DLG5: variants seen among roughly 807,000 people sequenced by gnomAD.
DLG5 encodes disks large homolog 5.
Under a neutral mutation model 189.8 loss-of-function variants are expected in DLG5, and 48 were observed. The ratio of observed to expected loss-of-function variants is 0.25; its 90% CI spans 0.20 to 0.32. The LOEUF (loss-of-function observed/expected upper bound fraction) is 0.32, where lower values mean the gene tolerates loss of function less well. DLG5 is among the 10% of genes least tolerant of loss of function. DLG5 has a pLI of 1.00. For synonymous variants in DLG5, 1,016 were observed against 1,054.1 expected (o/e 0.96, Z 0.70); for missense variants, 2,160 against 2,544.7 (o/e 0.85, Z 3.25).
chr10:77,917,259 G>A (rs993372858), intron 1 of DLG5, among the ~76,000 whole-genome samples: 5 of 151,684 alleles, frequency 3.3e-5, no homozygotes, highest in East Asian at 1.9e-4. Context: ...GGAGAATGGC[G>A]TGAACCCGGG....
intron 1 of DLG5, among the ~76,000 whole-genome samples, chr10:77,881,724 T>G (rs537156509): frequency 2.0e-4 from 30 of 152,244 alleles, no homozygotes; most frequent in Non-Finnish European, 3.8e-4. Flanking sequence ...AAGGTGTCCC[T>G]CCCCCACTGT....
intron 14 of DLG5, among the ~76,000 whole-genome samples, chr10:77,822,865 C>A (rs10430529): frequency 0.26 from 39,845 of 152,022 alleles, 5,989 homozygotes; most frequent in Non-Finnish European, 0.35. Flanking sequence ...CTATGGCATT[C>A]TGGAAAACAC....
At chr10:77,830,082 G>T in intron 11 of DLG5, 135 bp downstream of exon 11, 2 of 1,075,090 alleles carry the variant, frequency 1.9e-6, no homozygotes, top group Non-Finnish European at 2.7e-6. Context: ...TGCTGAGACT[G>T]CAGGCCTTGG....
intron 1 of DLG5, among the ~76,000 whole-genome samples, chr10:77,876,720 A>AGGGG (rs1845106173): frequency 2.4e-5 from 1 of 41,486 alleles, no homozygotes; most frequent in Non-Finnish European, 4.5e-5. Flanking sequence ...GGAGGGAGGG[A>AGGGG]GGGAGGGAAG....
chr10:77,806,725 C>T (rs560246497), intron 26 of DLG5, 33 bp downstream of exon 26: 1 of 1,415,274 alleles, frequency 7.1e-7, no homozygotes, highest in Non-Finnish European at 9.9e-7. Flanking sequence ...GCGACCCCTG[C>T]CCCACCCCAC....
rs766790358 is a variant in DLG5 at position 77,796,616 on chromosome 10, C to A, written c.5165-22G>T. 1.2e-6 allele frequency: 2 copies of A among 1,612,992 alleles called. No homozygotes were observed. Among genetic ancestry groups the A allele is most frequent in the South Asian group, 1.1e-5 (1 of 90,960 alleles). On this transcript the variant is annotated intron_variant, in intron 27 of 31. Coordinates refer to ENST00000372391, the MANE Select transcript of DLG5 (RefSeq NM_004747.4). This position sits in a 1 kb window ranked among gnomAD's most constrained non-coding sequence, Gnocchi z 5.2. ...GAATCTGAGGGAGAGAGAGCAGCAG[C>A]GTCACGGACCCAGCTTGGAGTGGAG... is the stretch of plus-strand genomic sequence containing the variant.
At chr10:77,905,643 G>A (rs979726312) in intron 1 of DLG5, among the ~76,000 whole-genome samples, 2 of 152,144 alleles carry the variant, frequency 1.3e-5, no homozygotes, top group Non-Finnish European at 2.9e-5. Context: ...CTGGGTGAAC[G>A]ACCTGCCTGA....
chr10:77,871,540 T>TTTTC lies in DLG5; in HGVS notation c.305-2344_305-2343insGAAA, dbSNP rs1400985849. ...ACAAAAACAATAAGCATCACACTTT[T>TTTTC]TTTTTTTTTTTTTTTTTTTTGAGAC... On this transcript the variant is annotated intron_variant, in intron 1 of 31. Coordinates refer to ENST00000372391, the MANE Select transcript of DLG5 (RefSeq NM_004747.4). Among the ~76,000 whole-genome samples the TTTTC allele has an allele frequency of 3.0e-5, 4 of 135,372 alleles. 1 individual carries two copies. The highest frequency in any genetic ancestry group is 6.4e-5 in the Non-Finnish European group (4 of 62,454). The allele number at this position is 135,372 out of a possible 152,430, so 88.8% of individuals were successfully genotyped here.
At chr10:77,819,558 G>A (rs147089885) in intron 16 of DLG5, 93 bp from the exon 17 acceptor site, 15 of 1,461,392 alleles carry the variant, frequency 1.0e-5, no homozygotes, top group South Asian at 4.2e-5. Flanking sequence ...GGACGCAGCC[G>A]CAGTCTTTTG....
chr10:77,806,718 A>AGCGCCCCC, intron 26 of DLG5, 40 bp downstream of exon 26: 3 of 1,333,654 alleles, frequency 2.2e-6, no homozygotes, highest in Non-Finnish European at 3.2e-6. Context: ...GCCCTCGGCG[A>AGCGCCCCC]CCCCTGCCCC....
At position 77,796,433 on chromosome 10, in the gene DLG5, G is replaced by A. The variant is rs769521217; in HGVS notation, c.5308+18C>T. ...ACAAAGAGCCCAGTAGGCACAGAGG[G>A]TGCCCCGTGCCCCTTACCAAGGGGA... On this transcript the variant is annotated intron_variant, in intron 28 of 31. Coordinates refer to ENST00000372391, the MANE Select transcript of DLG5 (RefSeq NM_004747.4). The surrounding 1 kb of genome is among the most constrained non-coding windows in gnomAD (Gnocchi z 5.2). 6.2e-7 allele frequency: 1 copy of A among 1,614,132 alleles called. No homozygotes were observed. Among genetic ancestry groups the A allele is most frequent in the Admixed American group, 1.7e-5 (1 of 60,030 alleles).
intron 1 of DLG5, among the ~76,000 whole-genome samples, chr10:77,897,126 C>T (rs757163396): frequency 6.6e-6 from 1 of 151,942 alleles, no homozygotes; most frequent in African/African-American, 2.4e-5. Flanking sequence ...GAGGCTGAGG[C>T]GGGCAGATCA....
intron 1 of DLG5, among the ~76,000 whole-genome samples, chr10:77,906,369 C>A (rs559623983): frequency 6.6e-6 from 1 of 152,330 alleles, no homozygotes; most frequent in Admixed American, 6.5e-5. Flanking sequence ...CTGACTGAAC[C>A]GTACCTGCTA....
intron 31 of DLG5, 69 bp from the exon 32 acceptor site, chr10:77,792,612 C>T: frequency 1.4e-6 from 2 of 1,398,184 alleles, no homozygotes; most frequent in Non-Finnish European, 2.0e-6. Context: ...CAAGGCAGTA[C>T]AGCTTGCACT....
intron 1 of DLG5, among the ~76,000 whole-genome samples, chr10:77,872,226 A>G (rs979521311): frequency 1.3e-5 from 2 of 152,172 alleles, no homozygotes; most frequent in Non-Finnish European, 2.9e-5. Context: ...TACTCTTGGC[A>G]TCAGCAGTGC....
intron 1 of DLG5, among the ~76,000 whole-genome samples, chr10:77,871,943 C>T (rs1844918956): frequency 6.6e-6 from 1 of 152,100 alleles, no homozygotes; most frequent in African/African-American, 2.4e-5. Context: ...TCGGGCAATC[C>T]ATTGATATCT....
rs59297524 is a variant in DLG5 at position 77,814,461 on chromosome 10, T to TTATATATATATA, written c.4025+2078_4026-2085dup. ...TATGTACATAAATAATAAAGCATGTTTATATATATATATATATATATATAT... is the reference window on the plus strand; with the variant it reads ...TATGTACATAAATAATAAAGCATGTTTATATATATATATATATATATATATATATATATATAT... On this transcript the variant is annotated intron_variant, in intron 20 of 31. Transcript: ENST00000372391. Among the ~76,000 whole-genome samples, 50 of 70,736 alleles carry TTATATATATATA rather than the reference T, an allele frequency of 7.1e-4. 3 individuals are homozygous for TTATATATATATA. Among genetic ancestry groups the TTATATATATATA allele is most frequent in the Non-Finnish European group, 1.1e-3 (34 of 32,298 alleles). The allele number at this position is 70,736 out of a possible 152,430, so 46.4% of individuals were successfully genotyped here. A position where few individuals can be genotyped will look rare whatever the true frequency, so the allele number is the denominator to read the frequency against.
In DLG5 at chr10:77,830,753, G is replaced by A. The variant is rs556899023; in HGVS notation, c.1869C>T (p.Phe623=). 3.4e-5 allele frequency: 55 copies of A among 1,614,142 alleles called. No individual in the cohort carries two copies. The highest frequency in any genetic ancestry group is 2.8e-4 in the African/African-American group (21 of 75,040). The change falls in exon 10 of 32, where the codon TTC becomes TTT. Residue 623 remains phenylalanine, a synonymous_variant. Coordinates refer to ENST00000372391, the MANE Select transcript of DLG5 (RefSeq NM_004747.4). ...AGAGGCAGCTTACCGTCTCCCTCTCGAACTCTACAACTTCCGTTTCCCACT... is the reference window on the plus strand; with the variant it reads ...AGAGGCAGCTTACCGTCTCCCTCTCAAACTCTACAACTTCCGTTTCCCACT... The part of the protein sequence containing the change: ...SMEWETEVVE[F]ERETEDIDLK...
At chr10:77,799,759 C>G (rs1181439493) in intron 27 of DLG5, among the ~76,000 whole-genome samples, 2 of 152,146 alleles carry the variant, frequency 1.3e-5, no homozygotes, top group Non-Finnish European at 2.9e-5. Context: ...CAGGCACACG[C>G]CACCACACTT....
Sources: gnomAD v4.1 joint callset for allele counts (sites outside exome capture counted in the v4.1 genomes callset) on GRCh38, gnomAD v4.1.1 for gene constraint, Gnocchi (gnomAD v3.1) non-coding constraint, MANE v1.5 for transcripts, NCBI Gene and HGNC (gene_info 2026-07-23, HGNC 2026-07-21) for gene names.